The following JAKMIP3 variants were observed in gnomAD, a reference collection of about 807,000 sequenced individuals.
JAKMIP3 encodes the protein Janus kinase and microtubule interacting protein 3.
A neutral mutation model predicts 118.5 loss-of-function variants in JAKMIP3; 58 were observed. The ratio of observed to expected loss-of-function variants is 0.49; its 90% CI spans 0.40 to 0.61. JAKMIP3 has a LOEUF of 0.61. Among genes scored for constraint, JAKMIP3 ranks in the 20% least tolerant of loss-of-function variants. The pLI is 0.00. For missense variants in JAKMIP3, 950 were observed against 1,109.0 expected, an observed-to-expected ratio of 0.86 and a Z score of 2.04; for synonymous variants, 486 against 451.2, an observed-to-expected ratio of 1.08 and a Z score of -0.98.
chr10:132,154,045 C>T, intron 19 of JAKMIP3, 55 bp downstream of exon 19: 5 of 1,548,506 alleles, frequency 3.2e-6, no homozygotes, highest in African/African-American at 1.4e-5. Flanking sequence ...CTGAAACGGC[C>T]ACGTGGCTCA....
rs2037845710 is a variant in JAKMIP3, at chr10:132,044,295, A to T, written c.-138+7557A>T. Among the ~76,000 whole-genome samples, 1 of 152,300 alleles carries T rather than the reference A, an allele frequency of 6.6e-6. No homozygotes were observed. The highest frequency in any genetic ancestry group is 1.9e-4 in the East Asian group (1 of 5,186). On this transcript the variant is annotated intron_variant, in intron 1 of 23. Transcript: ENST00000657785. The surrounding 1 kb of genome is among the most constrained non-coding windows in gnomAD (Gnocchi z 5.3). ...TGGACCTCCCTGGGGTGAGTAGTCA[A>T]CACAGACACAGTCCCTGCCTGCTGG...
In JAKMIP3 at chr10:132,117,674, G is replaced by T; in HGVS notation, c.633+100G>T. The stretch of plus-strand genomic sequence containing the variant: ...GGGCGAGGGTGCAGGCGTGGGCTCG[G>T]GGAGCACGCGGGCAGCACCGGCTTC... On this transcript the variant is annotated intron_variant, in intron 3 of 23. Transcript: ENST00000684848. This position sits in a 1 kb window ranked among gnomAD's most constrained non-coding sequence, Gnocchi z 8.6. The T allele has an allele frequency of 4.1e-6, 5 of 1,223,448 alleles. 2 individuals are homozygous for T. The highest frequency in any genetic ancestry group is 5.2e-6 in the Non-Finnish European group (5 of 956,938). The allele number at this position is 1,223,448 out of a possible 1,614,324, so 75.8% of individuals were successfully genotyped here. A position where few individuals can be genotyped will look rare whatever the true frequency, so the allele number is the denominator to read the frequency against.
At chr10:132,132,358 C>T (rs977160562) in intron 3 of JAKMIP3, among the ~76,000 whole-genome samples, 1 of 152,102 alleles carries the variant, frequency 6.6e-6, no homozygotes. Context: ...AAATCTAGTG[C>T]CGTGGAAAAT....
chr10:132,064,653 GAGTCAGGACA>G (rs2038569015), upstream of JAKMIP3, among the ~76,000 whole-genome samples: 1 of 152,188 alleles, frequency 6.6e-6, no homozygotes, highest in Non-Finnish European at 1.5e-5. This position sits in a 1 kb window ranked among gnomAD's most constrained non-coding sequence, Gnocchi z 4.4. Context: ...TCCGTCACAC[GAGTCAGGACA>G]TGTGACCCTT....
Position 132,068,485 on chromosome 10 carries a change from G to A in JAKMIP3, c.-138+2424G>A, listed in dbSNP as rs573741469. Among the ~76,000 whole-genome samples the A allele has an allele frequency of 4.7e-5, 7 of 149,870 alleles. 1 individual carries two copies. The East Asian group carries it at 1.4e-3, about 29-fold the overall frequency. On this transcript the variant is annotated intron_variant, in intron 1 of 23. Transcript: ENST00000684848. ...TAGGCTTCTTCCATGAATCTCTTGG[G>A]CAAGTGTTTCTTATCCATGAACCTC...
At chr10:132,159,656 GTGTGATGCTGGGGGGT>G (rs1564981860) in intron 19 of JAKMIP3, among the ~76,000 whole-genome samples, 8 of 66,978 alleles carry the variant, frequency 1.2e-4, no homozygotes, top group Non-Finnish European at 1.6e-4. Context: ...GCCTCTCCCT[GTGTGATGCTGGGGGGT>G]CCTCTCCCTA....
At chr10:132,164,620 T>C in intron 20 of JAKMIP3, 50 bp from the exon 21 acceptor site, 1 of 1,229,512 alleles carries the variant, frequency 8.1e-7, no homozygotes, top group Non-Finnish European at 1.2e-6. Flanking sequence ...AGGATTTGGG[T>C]TTCCCGAGTA....
At chr10:132,063,238 A>G (rs1192611683), upstream of JAKMIP3, among the ~76,000 whole-genome samples, 1 of 152,120 alleles carries the variant, frequency 6.6e-6, no homozygotes, top group Non-Finnish European at 1.5e-5. Context: ...CACGTGAGAC[A>G]TAGAGACCCA....
chr10:132,116,347 C>T (rs984587890), intron 2 of JAKMIP3, among the ~76,000 whole-genome samples: 1 of 151,866 alleles, frequency 6.6e-6, no homozygotes, highest in Non-Finnish European at 1.5e-5. Context: ...ATCATGGACG[C>T]TCCCCCCGAA....
chr10:132,096,111 T>C (rs1287881931), intron 1 of JAKMIP3, among the ~76,000 whole-genome samples: 1 of 152,210 alleles, frequency 6.6e-6, no homozygotes, highest in Non-Finnish European at 1.5e-5. Context: ...CTGACATTTC[T>C]TCCTGTGCCA....
intron 1 of JAKMIP3, among the ~76,000 whole-genome samples, chr10:132,037,219 C>G (rs558824490): frequency 6.6e-6 from 1 of 152,170 alleles, no homozygotes; most frequent in African/African-American, 2.4e-5. Context: ...CGGGAGGAGG[C>G]GCCGGCCTGG....
In JAKMIP3 at chr10:132,180,748, CGCGCGTGT is replaced by C. The variant is rs2061226082; in HGVS notation, c.*1104-1607_*1104-1600del. On this transcript the variant is annotated intron_variant, in intron 23 of 23. Coordinates refer to ENST00000684848, the MANE Select transcript of JAKMIP3 (RefSeq NM_001323087.2). Reference sequence around the variant, plus strand: ...GTGTGTGCGTGTGTGCGTGCGTGCGCGCGCGTGTGTGCGTGTGTGTGCGTGTGTGTGTG... The same window carrying C: ...GTGTGTGCGTGTGTGCGTGCGTGCGCGTGCGTGTGTGTGCGTGTGTGTGTG... Among the ~76,000 whole-genome samples the C allele has an allele frequency of 1.8e-3, 15 of 8,328 alleles. 6 individuals are homozygous for C. The highest frequency in any genetic ancestry group is 9.2e-3 in the South Asian group (2 of 218). 5.5% of individuals were successfully genotyped at this position (8,328 alleles called of 152,430 possible).
Position 132,049,300 on chromosome 10 carries a change from T to G in JAKMIP3, c.-138+12562T>G, listed in dbSNP as rs1459825097. Among the ~76,000 whole-genome samples the G allele has an allele frequency of 6.6e-6, 1 of 152,174 alleles. No individual in the cohort carries two copies. The highest frequency in any genetic ancestry group is 2.4e-5 in the African/African-American group (1 of 41,444). ...TGACCCACGGCTTTGCTTCCCTTCC[T>G]TAGGGCTGGGAGTGCTGCCCTCCTC... On this transcript the variant is annotated intron_variant, in intron 1 of 23. Transcript: ENST00000657785. This position sits in a 1 kb window ranked among gnomAD's most constrained non-coding sequence, Gnocchi z 4.3.
At position 132,179,551 on chromosome 10, in the gene JAKMIP3, C is replaced by A. The variant is rs186645784; in HGVS notation, c.*1104-2806C>A. 6.6e-6 allele frequency among the ~76,000 whole-genome samples: 1 copy of A among 152,156 alleles called. No individual in the cohort carries two copies. The highest frequency in any genetic ancestry group is 1.5e-5 in the Non-Finnish European group (1 of 68,020). On this transcript the variant is annotated intron_variant, in intron 23 of 23. Coordinates refer to ENST00000684848, the MANE Select transcript of JAKMIP3 (RefSeq NM_001323087.2). This position sits in a 1 kb window ranked among gnomAD's most constrained non-coding sequence, Gnocchi z 4.3. The stretch of plus-strand genomic sequence containing the variant: ...GAATGGCCAAGTACGTAAAAGAATG[C>A]GCTCCCTGAAGGCAATTCGCAGCCC...
intron 1 of JAKMIP3, among the ~76,000 whole-genome samples, chr10:132,076,767 G>A (rs981501807): frequency 6.6e-6 from 1 of 151,516 alleles, no homozygotes; most frequent in Non-Finnish European, 1.5e-5. Context: ...CTGGCCTGAG[G>A]TGGCCCCGGG....
chr10:132,080,503 ATT>A (rs201838731), intron 1 of JAKMIP3, among the ~76,000 whole-genome samples: 24 of 61,548 alleles, frequency 3.9e-4, no homozygotes, highest in African/African-American at 9.8e-4. Context: ...AAGTTATAGG[ATT>A]TTTTTTTTTT....
At chr10:132,066,897 C>G (rs933177698) in intron 1 of JAKMIP3, among the ~76,000 whole-genome samples, 6 of 152,100 alleles carry the variant, frequency 3.9e-5, no homozygotes, top group African/African-American at 1.4e-4. Flanking sequence ...GGCCGGGAAA[C>G]CATGCAGGCA....
intron 1 of JAKMIP3, among the ~76,000 whole-genome samples, chr10:132,054,370 A>C (rs912485492): frequency 6.6e-6 from 1 of 152,044 alleles, no homozygotes; most frequent in African/African-American, 2.4e-5. Context: ...GAAGACCACC[A>C]AGAAGCTTCC....
intron 2 of JAKMIP3, among the ~76,000 whole-genome samples, chr10:132,115,962 C>G (rs1294701153): frequency 6.6e-6 from 1 of 152,196 alleles, no homozygotes; most frequent in Non-Finnish European, 1.5e-5. Context: ...CTCCTCGGAG[C>G]GGGAGAGCAA....
Sources: gnomAD v4.1 joint callset for allele counts (sites outside exome capture counted in the v4.1 genomes callset) on GRCh38, gnomAD v4.1.1 for gene constraint, Gnocchi (gnomAD v3.1) non-coding constraint, MANE v1.5 for transcripts, NCBI Gene and HGNC (gene_info 2026-07-23, HGNC 2026-07-21) for gene names.